The following PTGR2 variants were observed in gnomAD, a reference collection of about 807,000 sequenced individuals.
The protein encoded by PTGR2 is prostaglandin reductase 2.
PTGR2 carries 32 observed loss-of-function variants against 43.4 expected under a neutral mutation model. The observed-to-expected ratio is 0.74, with a 90% CI of 0.56 to 0.99. PTGR2 has a LOEUF of 0.99. Ranked by LOEUF, PTGR2 falls within the 50% of genes least tolerant of loss-of-function variation. The probability of loss-of-function intolerance (pLI) is 0.00; values close to 1 mark genes in which losing one functional copy is unlikely to be tolerated. For synonymous variants in PTGR2, 106 were observed against 139.2 expected (o/e 0.76, Z 1.68); for missense variants, 373 against 420.0 (o/e 0.89, Z 0.98).
intron 7 of PTGR2, among the ~76,000 whole-genome samples, chr14:73,880,596 A>C (rs1178059765): frequency 3.0e-5 from 4 of 132,930 alleles, no homozygotes; most frequent in African/African-American, 7.6e-5. Flanking sequence ...ACAAAAAAAA[A>C]AAAACAAAAA....
intron 6 of PTGR2, 126 bp downstream of exon 6, chr14:73,879,431 G>C: frequency 1.2e-6 from 1 of 829,852 alleles, no homozygotes; most frequent in Non-Finnish European, 1.9e-6. Context: ...GTGATGATCA[G>C]TATTGTATTT....
chr14:73,883,549 G>A (rs1039079740), intron 9 of PTGR2, among the ~76,000 whole-genome samples: 8 of 151,630 alleles, frequency 5.3e-5, no homozygotes, highest in Non-Finnish European at 7.4e-5. Context: ...GCAGTGGTGC[G>A]ATCATGGCTC....
chr14:73,883,100 C>T (rs1030449060), intron 9 of PTGR2, among the ~76,000 whole-genome samples: 4 of 150,120 alleles, frequency 2.7e-5, no homozygotes, highest in Admixed American at 1.3e-4. Context: ...GGATTACAGG[C>T]GTGAGCCACC....
chr14:73,883,978 C>T (rs2055066396), intron 9 of PTGR2, 123 bp from the exon 10 acceptor site: 3 of 653,598 alleles, frequency 4.6e-6, no homozygotes, highest in Non-Finnish European at 7.9e-6. Context: ...CCATTTTCTT[C>T]TATGCTTAAT....
intron 5 of PTGR2, 85 bp from the exon 6 acceptor site, chr14:73,879,011 T>C: frequency 9.1e-7 from 1 of 1,097,086 alleles, no homozygotes; most frequent in Non-Finnish European, 1.3e-6. Context: ...CACTGTCATA[T>C]ACCTGTAATA....
intron 1 of PTGR2, among the ~76,000 whole-genome samples, chr14:73,852,867 C>T (rs2054262322): frequency 6.6e-6 from 1 of 152,128 alleles, no homozygotes; most frequent in African/African-American, 2.4e-5. Flanking sequence ...GCTCTGTTGC[C>T]CAGGCTGGAG....
chr14:73,878,869 T>C (rs998669139), intron 5 of PTGR2: 17 of 504,642 alleles, frequency 3.4e-5, no homozygotes, highest in Non-Finnish European at 5.3e-5. Flanking sequence ...CTATCATAAG[T>C]TGAGGAACAT....
chr14:73,875,462 C>T (rs11844472), intron 4 of PTGR2, among the ~76,000 whole-genome samples: 5 of 152,034 alleles, frequency 3.3e-5, no homozygotes, highest in Admixed American at 3.3e-4. Flanking sequence ...TCTCCTGCCT[C>T]AGCCACCTGG....
intron 6 of PTGR2, chr14:73,879,549 GT>G: frequency 2.3e-6 from 1 of 426,586 alleles, no homozygotes. Flanking sequence ...TTCACTTTTG[GT>G]TTATTTTTGT....
At chr14:73,865,757 A>G (rs1290083393) in intron 3 of PTGR2, among the ~76,000 whole-genome samples, 1 of 151,162 alleles carries the variant, frequency 6.6e-6, no homozygotes, top group African/African-American at 2.4e-5. Flanking sequence ...TTTAAGAGAG[A>G]CCAGAAATAT....
At chr14:73,882,281 GAA>G in intron 8 of PTGR2, 116 bp from the exon 9 acceptor site, 2 of 660,294 alleles carry the variant, frequency 3.0e-6, no homozygotes, top group East Asian at 5.4e-5. Context: ...ATGAAATAAA[GAA>G]TATCTATTTT....
intron 4 of PTGR2, chr14:73,874,487 T>A (rs982086427): frequency 3.9e-6 from 2 of 508,250 alleles, no homozygotes; most frequent in Non-Finnish European, 7.5e-6. Context: ...TTCATGTATG[T>A]GCACTGGAGC....
chr14:73,881,891 A>C (rs6574150), intron 8 of PTGR2, among the ~76,000 whole-genome samples: 73,452 of 147,076 alleles, frequency 0.5, 18,167 homozygotes, highest in South Asian at 0.61. Flanking sequence ...TCAAGCAATT[A>C]TTCTGCTTCA....
chr14:73,880,110 A>G lies in PTGR2; in HGVS notation c.785A>G (p.Asp262Gly). The G allele has an allele frequency of 6.2e-7, 1 of 1,613,930 alleles. No homozygotes were observed. The highest frequency in any genetic ancestry group is 8.5e-7 in the Non-Finnish European group (1 of 1,179,834). ...GGTCAAATTTCTCAGTACAACAAAG[A>G]TGTGCCTTATCCTCCCCCGCTATCC... ...LCGQISQYNK[D>G]VPYPPPLSPA... Residue 262 changes from aspartate (D) to glycine (G), a missense_variant, in exon 7 of 10, where the codon GAT becomes GGT. Transcript: ENST00000555661.
intron 5 of PTGR2, chr14:73,878,681 T>C: frequency 2.4e-6 from 1 of 408,808 alleles, no homozygotes; most frequent in East Asian, 7.6e-5. Flanking sequence ...ACCATAAGGG[T>C]AAACAACTGG....
chr14:73,866,817 G>A (rs949472936), intron 3 of PTGR2, among the ~76,000 whole-genome samples: 1 of 151,846 alleles, frequency 6.6e-6, no homozygotes, highest in Non-Finnish European at 1.5e-5. Flanking sequence ...TGCTGGGTGC[G>A]GTGTCTCACA....
intron 1 of PTGR2, among the ~76,000 whole-genome samples, chr14:73,857,520 A>C (rs1395189907): frequency 1.3e-5 from 2 of 151,912 alleles, no homozygotes; most frequent in African/African-American, 4.8e-5. Flanking sequence ...AAGCTGAGGC[A>C]GGAGAATTGT....
intron 3 of PTGR2, among the ~76,000 whole-genome samples, chr14:73,867,703 T>C (rs2054634570): frequency 6.6e-6 from 1 of 152,208 alleles, no homozygotes; most frequent in Non-Finnish European, 1.5e-5. Flanking sequence ...GAATTTTGCC[T>C]CTACCAGGTC....
chr14:73,885,026 A>C lies in PTGR2; in HGVS notation c.*849A>C, dbSNP rs1031897234. The C allele has an allele frequency of 2.0e-5, 3 of 152,272 alleles. No individual in the cohort carries two copies. Among genetic ancestry groups the C allele is most frequent in the African/African-American group, 7.2e-5 (3 of 41,478 alleles). 9.4% of individuals were successfully genotyped at this position (152,272 alleles called of 1,614,324 possible). The stretch of plus-strand genomic sequence containing the variant: ...GATTGACAGCCGGGCCTGATGTCTC[A>C]AGCCTGTAATCCTAGCACTTTGGGA... On this transcript the variant is annotated 3_prime_UTR_variant, in exon 10 of 10. Coordinates refer to ENST00000555661, the MANE Select transcript of PTGR2 (RefSeq NM_001146154.2).
Sources: allele counts gnomAD v4.1 joint callset (sites outside exome capture counted in the v4.1 genomes callset), GRCh38; gene constraint gnomAD v4.1.1; transcripts MANE v1.5; gene names NCBI Gene and HGNC (gene_info 2026-07-23, HGNC 2026-07-21).